Variants in ZNF248 observed in about 807,000 individuals in gnomAD.
The protein encoded by ZNF248 is zinc finger protein 248.
In ZNF248, 20 loss-of-function variants were observed where a neutral mutation model predicts 44.3. The ratio of observed to expected loss-of-function variants is 0.45; its 90% CI spans 0.32 to 0.66. The LOEUF is 0.66. Among genes scored for constraint, ZNF248 ranks in the 30% least tolerant of loss-of-function variants. The pLI is 0.04. For synonymous variants in ZNF248, 224 were observed against 229.0 expected (o/e 0.98, Z 0.20); for missense variants, 654 against 677.0 (o/e 0.97, Z 0.38).
chr10:37,770,785 A>G, the ZNF248 span, among the ~76,000 whole-genome samples: 3 of 152,160 alleles, frequency 2.0e-5, no homozygotes, highest in African/African-American at 7.2e-5. Flanking sequence ...ATCTAATTAA[A>G]CTAAAGAGCT....
intron 5 of ZNF248, among the ~76,000 whole-genome samples, chr10:37,836,245 C>T (rs549500828): frequency 3.3e-5 from 5 of 152,278 alleles, no homozygotes; most frequent in Admixed American, 3.3e-4. Flanking sequence ...CACCCACAAC[C>T]ACCCACCACA....
chr10:37,829,084 C>T lies in ZNF248; in HGVS notation c.*2531G>A. ...TTTCTCTTCCCAGATTCTCTCTCCA[C>T]CCTTCTCTGTGCCCACCTGGGCTCT... is the stretch of plus-strand genomic sequence containing the variant. On this transcript the variant is annotated 3_prime_UTR_variant, in exon 6 of 6. Coordinates refer to ENST00000395867, the MANE Select transcript of ZNF248 (RefSeq NM_021045.3). 2.0e-6 allele frequency: 2 copies of T among 985,504 alleles called. No individual in the cohort carries two copies. The highest frequency in any genetic ancestry group is 2.4e-6 in the Non-Finnish European group (2 of 829,976). 61.0% of individuals were successfully genotyped at this position (985,504 alleles called of 1,614,324 possible).
In ZNF248 at chr10:37,819,788, G is replaced by A. The variant is rs1452225403; in HGVS notation, c.330+13237C>T. The A allele has an allele frequency of 5.1e-6, 4 of 782,050 alleles. No individual in the cohort carries two copies. In the African/African-American group the frequency reaches 6.8e-5, roughly 13 times the overall value. 48.4% of individuals were successfully genotyped at this position (782,050 alleles called of 1,614,324 possible). On this transcript the variant is annotated intron_variant, in intron 6 of 6. Transcript: ENST00000615949. ...TTTCCACTGTTTCTGCTCACTGGTT[G>A]CAGGAGGGTCCTGACCCATGGCAGG...
chr10:37,768,852 C>T, the ZNF248 span, among the ~76,000 whole-genome samples: 1 of 151,862 alleles, frequency 6.6e-6, no homozygotes, highest in African/African-American at 2.4e-5. Context: ...TTGAAAGGAT[C>T]AACAAAATAG....
chr10:37,845,204 T>A lies in ZNF248; in HGVS notation c.16-7093A>T, dbSNP rs191044468. ...ACTGGGCTAATTTTTGTATTTTTTG[T>A]AGAGACAGGGTTTTGCCATGTCAGG... is the stretch of plus-strand genomic sequence containing the variant. On this transcript the variant is annotated intron_variant, in intron 3 of 5. Transcript: ENST00000395867. 2.0e-5 allele frequency among the ~76,000 whole-genome samples: 3 copies of A among 151,938 alleles called. No homozygotes were observed. The East Asian group carries it at 5.8e-4, about 30-fold the overall frequency.
chr10:37,851,620 GA>G (rs982087727), intron 3 of ZNF248, among the ~76,000 whole-genome samples: 23 of 145,158 alleles, frequency 1.6e-4, no homozygotes, highest in South Asian at 6.5e-4. Context: ...AGGGGTTCAA[GA>G]AAAAAAAAAT....
the ZNF248 span, among the ~76,000 whole-genome samples, chr10:37,765,176 C>T: frequency 6.6e-6 from 1 of 151,996 alleles, no homozygotes; most frequent in East Asian, 1.9e-4. Context: ...AGGCTGGTCT[C>T]GAACTCTTGA....
chr10:37,842,812 G>C (rs2058584186), intron 3 of ZNF248, among the ~76,000 whole-genome samples: 1 of 151,944 alleles, frequency 6.6e-6, no homozygotes, highest in African/African-American at 2.4e-5. Context: ...GGGAAATTTG[G>C]GCTTTCAAAA....
intron 6 of ZNF248, among the ~76,000 whole-genome samples, chr10:37,817,304 T>C (rs2052647968): frequency 6.6e-6 from 1 of 152,162 alleles, no homozygotes; most frequent in African/African-American, 2.4e-5. Context: ...TAGTGGTTAG[T>C]TGCTGTATGC....
chr10:37,804,426 TTA>T (rs2050257449), intron 6 of ZNF248, among the ~76,000 whole-genome samples: 1 of 151,874 alleles, frequency 6.6e-6, no homozygotes, highest in African/African-American at 2.4e-5. Flanking sequence ...CTTATTTATT[TTA>T]TGTATTTATT....
Position 37,829,852 on chromosome 10 carries a change from A to C in ZNF248, c.*1763T>G, listed in dbSNP as rs368328230. 4.1e-6 allele frequency: 4 copies of C among 985,438 alleles called. No individual in the cohort carries two copies. The highest frequency in any genetic ancestry group is 3.5e-5 in the African/African-American group (2 of 57,370). 61.0% of individuals were successfully genotyped at this position (985,438 alleles called of 1,614,324 possible). A position where few individuals can be genotyped will look rare whatever the true frequency, so the allele number is the denominator to read the frequency against. ...TTGCTCCCAAGTTCACCCCAACAGAATCATTAAAATGGAACTTCCATGATT... is the reference window on the plus strand; with the variant it reads ...TTGCTCCCAAGTTCACCCCAACAGACTCATTAAAATGGAACTTCCATGATT... On this transcript the variant is annotated 3_prime_UTR_variant, in exon 6 of 6. Transcript: ENST00000395867.
At position 37,832,845 on chromosome 10, in the gene ZNF248, T is replaced by C. The variant is rs914884877; in HGVS notation, c.510A>G (p.Val170=). 2.5e-6 allele frequency: 4 copies of C among 1,613,860 alleles called. No individual in the cohort carries two copies. Among genetic ancestry groups the C allele is most frequent in the African/African-American group, 1.3e-5 (1 of 75,060 alleles). Residue 170 remains valine (V), a synonymous_variant, in exon 6 of 6, where the codon GTA becomes GTG. Transcript: ENST00000395867. ...CSRKKPDEFN[V]CEKLLLDIRH... is the part of the protein sequence containing the mutation. Reference sequence around the variant, plus strand: ...TAATATCAAGGAGCAATTTCTCACATACATTAAACTCATCAGGCTTCTTTC... The same window carrying C: ...TAATATCAAGGAGCAATTTCTCACACACATTAAACTCATCAGGCTTCTTTC...
intron 6 of ZNF248, among the ~76,000 whole-genome samples, chr10:37,778,991 A>G (rs1297015842): frequency 6.6e-6 from 1 of 152,206 alleles, no homozygotes; most frequent in Non-Finnish European, 1.5e-5. Flanking sequence ...GAATAGACCA[A>G]TAACAGGATC....
intron 3 of ZNF248, among the ~76,000 whole-genome samples, chr10:37,848,148 C>T (rs1429112385): frequency 6.6e-6 from 1 of 152,170 alleles, no homozygotes; most frequent in Non-Finnish European, 1.5e-5. Flanking sequence ...TGGCACACAC[C>T]TGCAGTCCCA....
At chr10:37,820,839 A>AT in intron 6 of ZNF248, 1 of 1,193,368 alleles carries the variant, frequency 8.4e-7, no homozygotes, top group Non-Finnish European at 1.2e-6. Flanking sequence ...AATATTTCCC[A>AT]TTCTGTTTTG....
chr10:37,831,855 G>A lies in ZNF248; in HGVS notation c.1500C>T (p.Ser500=). The change falls in exon 6 of 6, where the codon TCC becomes TCT. Residue 500 remains serine (S), a synonymous_variant. Coordinates refer to ENST00000395867, the MANE Select transcript of ZNF248 (RefSeq NM_021045.3). ...KPFICNECGK[S]FCVKSNLIVH... ...CAATGAGGTTTGACTTCACACAGAA[G>A]GATTTTCCACATTCATTACATATAA... The A allele has an allele frequency of 6.2e-7, 1 of 1,613,894 alleles. No homozygotes were observed. The highest frequency in any genetic ancestry group is 8.5e-7 in the Non-Finnish European group (1 of 1,179,942).
the ZNF248 span, among the ~76,000 whole-genome samples, chr10:37,771,214 T>C: frequency 6.6e-6 from 1 of 152,188 alleles, no homozygotes; most frequent in Non-Finnish European, 1.5e-5. Flanking sequence ...GACAGTGTGG[T>C]GATTCCTCAG....
chr10:37,776,379 T>A (rs2046588012), downstream of ZNF248: 1 of 382,298 alleles, frequency 2.6e-6, no homozygotes, highest in South Asian at 1.4e-4. Context: ...TCACTCATTC[T>A]GAGCAGGAGG....
At chr10:37,824,041 A>G (rs2053946664), downstream of ZNF248, among the ~76,000 whole-genome samples, 2 of 152,170 alleles carry the variant, frequency 1.3e-5, no homozygotes, top group African/African-American at 4.8e-5. Flanking sequence ...GCTTTATGAT[A>G]AGGAATTGGC....
Sources: allele counts gnomAD v4.1 joint callset (sites outside exome capture counted in the v4.1 genomes callset), GRCh38; gene constraint gnomAD v4.1.1; transcripts MANE v1.5; gene names NCBI Gene and HGNC (gene_info 2026-07-23, HGNC 2026-07-21).